Variants in ZNF69 observed in about 807,000 individuals in gnomAD.
ZNF69 encodes zinc finger protein 69.
A neutral mutation model predicts 50.9 loss-of-function variants in ZNF69; 47 were observed. The ratio of observed to expected loss-of-function variants is 0.92; its 90% CI spans 0.73 to 1.18. The LOEUF (loss-of-function observed/expected upper bound fraction) is 1.18. ZNF69 is among the 50% of genes most tolerant of loss of function. The pLI, the probability that ZNF69 is intolerant of heterozygous loss-of-function variation, is 0.00. For synonymous variants in ZNF69, 216 were observed against 223.1 expected (o/e 0.97, Z 0.29); for missense variants, 717 against 675.1 (o/e 1.06, Z -0.69).
At chr19:11,943,471 A>G in the ZNF69 span, among the ~76,000 whole-genome samples, 2 of 152,200 alleles carry the variant, frequency 1.3e-5, no homozygotes, top group Non-Finnish European at 2.9e-5. Context: ...CCGGTTGAGC[A>G]TGTAAATGGG....
chr19:11,957,090 A>ACTTTTTTTTTTTTTTTTT, the ZNF69 span, among the ~76,000 whole-genome samples: 1 of 138,950 alleles, frequency 7.2e-6, no homozygotes, highest in Non-Finnish European at 1.6e-5. Flanking sequence ...GTAAGAAATA[A>ACTTTTTTTTTTTTTTTTT]GTTTTTTTTT....
chr19:11,947,363 C>A, the ZNF69 span: 2 of 1,610,780 alleles, frequency 1.2e-6, no homozygotes, highest in Non-Finnish European at 1.7e-6. Context: ...GTTTCTAGCT[C>A]ATGAATGCTG....
chr19:11,910,408 C>G (rs935096626), downstream of ZNF69, among the ~76,000 whole-genome samples: 1 of 152,166 alleles, frequency 6.6e-6, no homozygotes, highest in Non-Finnish European at 1.5e-5. Context: ...ATTAGGCTAC[C>G]TGACTTCAAA....
chr19:11,950,875 G>A, the ZNF69 span: 72 of 170,740 alleles, frequency 4.2e-4, no homozygotes, highest in African/African-American at 1.5e-3. Context: ...TTTTTGCACC[G>A]GGCACAGTGG....
the ZNF69 span, among the ~76,000 whole-genome samples, chr19:11,942,265 C>T: frequency 6.6e-5 from 10 of 151,468 alleles, no homozygotes; most frequent in African/African-American, 2.4e-4. Context: ...GGCTAGCTAT[C>T]TGCCTTCTCT....
At chr19:11,939,345 T>G in the ZNF69 span, among the ~76,000 whole-genome samples, 1 of 152,206 alleles carries the variant, frequency 6.6e-6, no homozygotes, top group Non-Finnish European at 1.5e-5. Flanking sequence ...CTTCTAGGGT[T>G]TTTATGGTTT....
At chr19:11,948,893 C>T in the ZNF69 span, 3 of 1,604,182 alleles carry the variant, frequency 1.9e-6, no homozygotes, top group Non-Finnish European at 2.5e-6. Flanking sequence ...TTTCATAGTT[C>T]TAGTTCCTAT....
chr19:11,971,376 T>C, the ZNF69 span, among the ~76,000 whole-genome samples: 1 of 152,198 alleles, frequency 6.6e-6, no homozygotes, highest in Non-Finnish European at 1.5e-5. Flanking sequence ...TTCCCAGAGA[T>C]GTCAACTTCT....
chr19:11,942,099 T>G, the ZNF69 span, among the ~76,000 whole-genome samples: 1 of 151,908 alleles, frequency 6.6e-6, no homozygotes, highest in Non-Finnish European at 1.5e-5. Flanking sequence ...AGCTGCATTC[T>G]GACAGGATAA....
At chr19:11,913,458 A>G (rs755037957) in exon 5 of ZNF69, 1 of 501,990 alleles carries the variant, frequency 2.0e-6, no homozygotes, top group South Asian at 3.2e-5. Flanking sequence ...GCATGATCTC[A>G]GGTCGCTGCA....
chr19:11,954,755 ATGC>A, the ZNF69 span, among the ~76,000 whole-genome samples: 1 of 152,140 alleles, frequency 6.6e-6, no homozygotes, highest in East Asian at 1.9e-4. Flanking sequence ...TGGGAGGTTG[ATGC>A]TGCAGTGAGC....
the ZNF69 span, among the ~76,000 whole-genome samples, chr19:11,968,224 T>C: frequency 6.6e-6 from 1 of 152,054 alleles, no homozygotes; most frequent in Non-Finnish European, 1.5e-5. Context: ...ACATTTTCCA[T>C]AGAAGGCTGA....
the ZNF69 span, among the ~76,000 whole-genome samples, chr19:11,958,226 A>G: frequency 8.6e-3 from 1,297 of 150,406 alleles, 9 homozygotes; most frequent in Middle Eastern, 0.038. Context: ...GTGGGTAAAT[A>G]TAAGTGAACT....
At chr19:11,907,405 T>C (rs1277303644), downstream of ZNF69, among the ~76,000 whole-genome samples, 1 of 151,864 alleles carries the variant, frequency 6.6e-6, no homozygotes, top group Non-Finnish European at 1.5e-5. Context: ...AAGGAAAAAA[T>C]GTTAAGGGCA....
chr19:11,902,596 G>T (rs993668383), intron 1 of ZNF69, among the ~76,000 whole-genome samples: 1 of 150,886 alleles, frequency 6.6e-6, no homozygotes, highest in African/African-American at 2.4e-5. Context: ...CATAATGGAA[G>T]TTTCTTTCTA....
At chr19:11,937,743 C>T in the ZNF69 span, among the ~76,000 whole-genome samples, 1 of 152,046 alleles carries the variant, frequency 6.6e-6, no homozygotes, top group Non-Finnish European at 1.5e-5. Flanking sequence ...CTGCCTCAGC[C>T]TCCCAAGGTG....
chr19:11,978,095 T>C, the ZNF69 span: 3 of 1,603,776 alleles, frequency 1.9e-6, no homozygotes, highest in South Asian at 3.4e-5. Flanking sequence ...CCCTTCATAA[T>C]GTGCTTCTCA....
At chr19:11,969,031 A>C in the ZNF69 span, among the ~76,000 whole-genome samples, 1 of 152,210 alleles carries the variant, frequency 6.6e-6, no homozygotes, top group Admixed American at 6.5e-5. Flanking sequence ...CATGTGACTC[A>C]ACCCCATGAT....
the ZNF69 span, among the ~76,000 whole-genome samples, chr19:11,962,718 G>C: frequency 6.6e-6 from 1 of 152,140 alleles, no homozygotes; most frequent in Non-Finnish European, 1.5e-5. Flanking sequence ...GGTATCTATA[G>C]AGCAGTTAAC....
Sources: gnomAD v4.1 joint callset for allele counts (sites outside exome capture counted in the v4.1 genomes callset) on GRCh38, gnomAD v4.1.1 for gene constraint, MANE v1.5 for transcripts, NCBI Gene and HGNC (gene_info 2026-07-23, HGNC 2026-07-21) for gene names.